The following MIER1 variants were observed in gnomAD, a reference collection of about 807,000 sequenced individuals.
MIER1 encodes MIER1 transcriptional regulator, also known as mesoderm induction early response protein 1.
A neutral mutation model predicts 75.7 loss-of-function variants in MIER1; 40 were observed. The observed-to-expected ratio is 0.53, with a 90% CI of 0.41 to 0.69. The LOEUF (loss-of-function observed/expected upper bound fraction) is 0.69. Among genes scored for constraint, MIER1 ranks in the 30% least tolerant of loss-of-function variants. MIER1 has a pLI of 0.00. For missense variants in MIER1, 574 were observed against 680.2 expected (o/e 0.84, Z 1.74); for synonymous variants, 213 against 223.4 (o/e 0.95, Z 0.42).
chr1:66,962,102 C>A (rs1373067138), intron 7 of MIER1, among the ~76,000 whole-genome samples: 1 of 152,152 alleles, frequency 6.6e-6, no homozygotes, highest in Non-Finnish European at 1.5e-5. Context: ...ATTTAGCCAT[C>A]ACACAAAAGA....
intron 1 of MIER1, chr1:66,925,352 G>A: frequency 1.0e-6 from 1 of 985,436 alleles, no homozygotes; most frequent in Non-Finnish European, 1.2e-6. Flanking sequence ...CCTTCGCGGT[G>A]GTGGCGCCGC....
intron 5 of MIER1, among the ~76,000 whole-genome samples, 176 bp downstream of exon 5, chr1:66,958,396 C>T (rs1401941248): frequency 6.6e-6 from 1 of 151,982 alleles, no homozygotes; most frequent in East Asian, 1.9e-4. Context: ...TAATTTACTC[C>T]TGAGGTAACA....
chr1:66,982,896 C>T (rs1225636437), intron 13 of MIER1, among the ~76,000 whole-genome samples: 3 of 152,224 alleles, frequency 2.0e-5, no homozygotes, highest in African/African-American at 4.8e-5. Context: ...ATGTTTGTCA[C>T]GTCCATTCTG....
chr1:66,951,432 TTA>T (rs1658919926), intron 4 of MIER1, among the ~76,000 whole-genome samples: 1 of 152,070 alleles, frequency 6.6e-6, no homozygotes, highest in Non-Finnish European at 1.5e-5. Context: ...TCTGGTCGGT[TTA>T]TGTTTTTAAA....
chr1:66,952,343 A>AT (rs1659164802), intron 4 of MIER1, among the ~76,000 whole-genome samples: 2 of 152,228 alleles, frequency 1.3e-5, no homozygotes, highest in Admixed American at 1.3e-4. Context: ...AGGCCCTGGT[A>AT]CAATAGTATA....
chr1:66,932,640 C>T (rs1374771346), intron 2 of MIER1: 5 of 151,924 alleles, frequency 3.3e-5, no homozygotes, highest in African/African-American at 1.2e-4. Context: ...TTTATGAAGC[C>T]AATATAAAAG....
At chr1:66,969,407 T>TGGTG (rs1234479903) in intron 8 of MIER1, among the ~76,000 whole-genome samples, 2 of 151,870 alleles carry the variant, frequency 1.3e-5, no homozygotes, top group Admixed American at 1.3e-4. Flanking sequence ...TAGCCAGGTA[T>TGGTG]GGTGGCACAT....
chr1:66,929,890 T>C (rs951646579), intron 2 of MIER1, among the ~76,000 whole-genome samples: 1 of 152,246 alleles, frequency 6.6e-6, no homozygotes, highest in Non-Finnish European at 1.5e-5. Flanking sequence ...CATCCGTTTT[T>C]CAGCAAATGC....
chr1:66,931,572 G>A (rs115235296), intron 2 of MIER1, among the ~76,000 whole-genome samples: 14 of 152,198 alleles, frequency 9.2e-5, no homozygotes, highest in African/African-American at 3.4e-4. Flanking sequence ...TTTGCTGCGA[G>A]TATTCTTTTT....
chr1:66,949,233 A>C (rs1364981051), intron 4 of MIER1, among the ~76,000 whole-genome samples: 1 of 152,200 alleles, frequency 6.6e-6, no homozygotes, highest in Admixed American at 6.5e-5. Flanking sequence ...AAGAGGAAAT[A>C]AGTAGTTTTC....
intron 4 of MIER1, among the ~76,000 whole-genome samples, chr1:66,957,226 T>G (rs2101678033): frequency 6.6e-6 from 1 of 152,218 alleles, no homozygotes; most frequent in East Asian, 1.9e-4. Context: ...TATAGAAAGC[T>G]GATTTCATTT....
chr1:66,946,919 C>CT, intron 4 of MIER1: 5 of 985,214 alleles, frequency 5.1e-6, no homozygotes, highest in Non-Finnish European at 6.0e-6. Context: ...TATTCAGTAT[C>CT]TTTTGCAGAC....
chr1:66,986,164 T>C lies in MIER1; in HGVS notation c.*1264T>C, dbSNP rs1666756947. ...GAAGTTTGAAAACTTTTCAAACTTT[T>C]CTAGTTACAATCCAATTTTTCAGAT... On this transcript the variant is annotated 3_prime_UTR_variant, in exon 14 of 14. Coordinates refer to ENST00000401041, the MANE Select transcript of MIER1 (RefSeq NM_001077700.3). 2.2e-5 allele frequency: 27 copies of C among 1,208,850 alleles called. No homozygotes were observed. Among genetic ancestry groups the C allele is most frequent in the Non-Finnish European group, 2.8e-5 (27 of 973,298 alleles). The allele number at this position is 1,208,850 out of a possible 1,614,324, so 74.9% of individuals were successfully genotyped here. A position where few individuals can be genotyped will look rare whatever the true frequency, so the allele number is the denominator to read the frequency against.
intron 8 of MIER1, among the ~76,000 whole-genome samples, chr1:66,967,229 T>C (rs916593029): frequency 1.3e-5 from 2 of 152,210 alleles, no homozygotes; most frequent in Non-Finnish European, 2.9e-5. Context: ...CATATGGATA[T>C]CCAGTTTCCC....
chr1:66,961,515 G>T (rs1168290658), intron 7 of MIER1, among the ~76,000 whole-genome samples: 1 of 152,150 alleles, frequency 6.6e-6, no homozygotes, highest in Non-Finnish European at 1.5e-5. Flanking sequence ...CAGATGAAAA[G>T]AAATGTTCAG....
At position 66,985,814 on chromosome 1, in the gene MIER1, ATTTT is replaced by A. The variant is rs150870135; in HGVS notation, c.*934_*937del. On this transcript the variant is annotated 3_prime_UTR_variant, in exon 14 of 14. Transcript: ENST00000401041. Reference sequence around the variant, plus strand: ...TAAAGCATTCATAAAGGATTATAAAATTTTTTTTTTTTTTTTTTTTTTTAAATTT... The same window carrying A: ...TAAAGCATTCATAAAGGATTATAAAATTTTTTTTTTTTTTTTTTTAAATTT... 43,457 of 625,348 alleles carry A rather than the reference ATTTT, an allele frequency of 0.069. 346 individuals are homozygous for A. Among genetic ancestry groups the A allele is most frequent in the East Asian group, 0.073 (498 of 6,824 alleles). 38.7% of individuals were successfully genotyped at this position (625,348 alleles called of 1,614,324 possible).
At chr1:66,967,782 T>G (rs1024381508) in intron 8 of MIER1, among the ~76,000 whole-genome samples, 12 of 152,168 alleles carry the variant, frequency 7.9e-5, no homozygotes, top group South Asian at 2.1e-4. Flanking sequence ...ATTAGTCTTT[T>G]GATTTCCTTT....
chr1:66,957,979 C>A, intron 4 of MIER1, 80 bp from the exon 5 acceptor site: 1 of 801,886 alleles, frequency 1.2e-6, no homozygotes, highest in Non-Finnish European at 1.9e-6. Context: ...AGAATGAATA[C>A]TCCACAGATT....
chr1:66,954,177 G>C (rs923636404), intron 4 of MIER1, among the ~76,000 whole-genome samples: 1 of 152,138 alleles, frequency 6.6e-6, no homozygotes, highest in Non-Finnish European at 1.5e-5. Flanking sequence ...AATGTGTAGT[G>C]AATGATAGCA....
Sources: allele counts gnomAD v4.1 joint callset (sites outside exome capture counted in the v4.1 genomes callset), GRCh38; gene constraint gnomAD v4.1.1; transcripts MANE v1.5; gene names NCBI Gene and HGNC (gene_info 2026-07-23, HGNC 2026-07-21).